PDK1: variants seen among roughly 807,000 people sequenced by gnomAD.
The protein encoded by PDK1 is [Pyruvate dehydrogenase (acetyl-transferring)] kinase isozyme 1, mitochondrial.
Under a neutral mutation model 54.2 loss-of-function variants are expected in PDK1, and 39 were observed. The ratio of observed to expected loss-of-function variants is 0.72; its 90% CI spans 0.56 to 0.94. PDK1 has a LOEUF of 0.94. Ranked by LOEUF, PDK1 falls within the 40% of genes least tolerant of loss-of-function variation. The pLI is 0.00. For missense variants in PDK1, 552 were observed against 566.0 expected (o/e 0.98, Z 0.25); for synonymous variants, 221 against 207.1 (o/e 1.07, Z -0.58).
At chr2:172,656,338 AGT>A in the PDK1 span, among the ~76,000 whole-genome samples, 1 of 152,150 alleles carries the variant, frequency 6.6e-6, no homozygotes, top group Non-Finnish European at 1.5e-5. Context: ...TTGATGTGGT[AGT>A]GAGGTGTGGG....
the PDK1 span, among the ~76,000 whole-genome samples, chr2:172,633,535 A>AT: frequency 6.7e-6 from 1 of 150,038 alleles, no homozygotes; most frequent in Admixed American, 6.7e-5. Context: ...GCATTCCTAC[A>AT]TTTTTTGTAG....
At chr2:172,665,736 CTAA>C in the PDK1 span, among the ~76,000 whole-genome samples, 1 of 152,202 alleles carries the variant, frequency 6.6e-6, no homozygotes, top group South Asian at 2.1e-4. Context: ...ATTTTAAAAT[CTAA>C]TTTCTAGGCT....
At chr2:172,635,717 C>T in the PDK1 span, among the ~76,000 whole-genome samples, 1 of 152,190 alleles carries the variant, frequency 6.6e-6, no homozygotes, top group Non-Finnish European at 1.5e-5. Flanking sequence ...GGGCTAATTC[C>T]TAAACATAGT....
chr2:172,622,630 T>TATGTGAGATGTTTATATCTC, the PDK1 span, among the ~76,000 whole-genome samples: 1 of 145,764 alleles, frequency 6.9e-6, no homozygotes, highest in Admixed American at 7.1e-5. Flanking sequence ...TTTATCTCAT[T>TATGTGAGATGTTTATATCTC]ATGTGAGATA....
At chr2:172,612,594 T>G (rs147012173), downstream of PDK1, among the ~76,000 whole-genome samples, 2 of 152,278 alleles carry the variant, frequency 1.3e-5, no homozygotes, top group East Asian at 3.9e-4. Flanking sequence ...AATTTTAAAA[T>G]GTACTAATAG....
intron 9 of PDK1, among the ~76,000 whole-genome samples, chr2:172,592,634 A>C (rs1690663831): frequency 6.6e-6 from 1 of 152,168 alleles, no homozygotes; most frequent in Non-Finnish European, 1.5e-5. Flanking sequence ...CCAATTCCAG[A>C]CACAATACGA....
intron 8 of PDK1, among the ~76,000 whole-genome samples, chr2:172,574,189 T>C (rs1386808770): frequency 1.3e-5 from 2 of 152,244 alleles, no homozygotes; most frequent in Non-Finnish European, 2.9e-5. Context: ...AAAAACCTAT[T>C]CTTTCCCCAT....
chr2:172,633,661 T>C, the PDK1 span, among the ~76,000 whole-genome samples: 3 of 151,006 alleles, frequency 2.0e-5, no homozygotes. Context: ...TATTGACATT[T>C]TATATTTGCT....
chr2:172,680,537 T>G, the PDK1 span, among the ~76,000 whole-genome samples: 1 of 152,040 alleles, frequency 6.6e-6, no homozygotes, highest in Non-Finnish European at 1.5e-5. Flanking sequence ...ATTTATTTAT[T>G]TATTTTTTGT....
chr2:172,564,476 G>T, intron 3 of PDK1, 27 bp from the exon 4 acceptor site: 1 of 1,564,968 alleles, frequency 6.4e-7, no homozygotes, highest in Non-Finnish European at 8.8e-7. Flanking sequence ...AAAATATTTG[G>T]CTGTTTTGAC....
the PDK1 span, among the ~76,000 whole-genome samples, chr2:172,651,594 G>A: frequency 1.3e-5 from 2 of 152,096 alleles, no homozygotes; most frequent in Non-Finnish European, 1.5e-5. Context: ...GAAGAAAAGA[G>A]AGAAGAATCA....
chr2:172,562,729 T>C, intron 3 of PDK1: 1 of 1,455,778 alleles, frequency 6.9e-7, no homozygotes, highest in Non-Finnish European at 9.6e-7. Flanking sequence ...TAAAACATTT[T>C]TTAAAACACA....
At chr2:172,570,526 T>C (rs1689187502) in intron 7 of PDK1, 200 bp from the exon 8 acceptor site, 1 of 407,874 alleles carries the variant, frequency 2.5e-6, no homozygotes, top group Middle Eastern at 6.2e-4. Flanking sequence ...TTAGTTGGAG[T>C]CTTTAGGTCA....
chr2:172,687,334 A>G, the PDK1 span, among the ~76,000 whole-genome samples: 1 of 151,052 alleles, frequency 6.6e-6, no homozygotes, highest in Non-Finnish European at 1.5e-5. Flanking sequence ...TTATTTAAGA[A>G]GTTTTTTTTT....
chr2:172,674,799 C>G, the PDK1 span: 1 of 152,272 alleles, frequency 6.6e-6, no homozygotes, highest in African/African-American at 2.4e-5. Context: ...GCGAAGCCCT[C>G]GGGCTGCAGG....
intron 7 of PDK1, 135 bp from the exon 8 acceptor site, chr2:172,570,591 G>T (rs1417297539): frequency 8.3e-6 from 4 of 480,786 alleles, no homozygotes; most frequent in Non-Finnish European, 1.5e-5. Context: ...AACTTTAAAT[G>T]TGGTTATAAG....
rs1329393905 is a variant in PDK1, at chr2:172,568,738, T to C, written c.770-3T>C. ...TTTCATATTTTTCTCTTCTGCTCTG[T>C]AGCAAAATCACCAGGACAGCCAATA... On this transcript the variant is annotated splice_region_variant and splice_polypyrimidine_tract_variant and intron_variant, in intron 6 of 10. Transcript: ENST00000282077. 1.9e-6 allele frequency: 3 copies of C among 1,588,476 alleles called. No homozygotes were observed. The highest frequency in any genetic ancestry group is 2.6e-6 in the Non-Finnish European group (3 of 1,156,584).
At chr2:172,635,798 A>T in the PDK1 span, among the ~76,000 whole-genome samples, 1 of 152,180 alleles carries the variant, frequency 6.6e-6, no homozygotes, top group East Asian at 1.9e-4. Context: ...ACACCAACCC[A>T]GTATTTCCTC....
At chr2:172,662,889 A>G in the PDK1 span, among the ~76,000 whole-genome samples, 1 of 152,108 alleles carries the variant, frequency 6.6e-6, no homozygotes, top group African/African-American at 2.4e-5. Flanking sequence ...ACCTCCCCTG[A>G]TAAACTGGAA....
Sources: gnomAD v4.1 joint callset for allele counts (sites outside exome capture counted in the v4.1 genomes callset) on GRCh38, gnomAD v4.1.1 for gene constraint, MANE v1.5 for transcripts, NCBI Gene and HGNC (gene_info 2026-07-23, HGNC 2026-07-21) for gene names.